Variants in RANBP17 observed in about 807,000 individuals in gnomAD.
RANBP17 encodes ran-binding protein 17.
A neutral mutation model predicts 141.2 loss-of-function variants in RANBP17; 158 were observed. The observed-to-expected ratio is 1.12, with a 90% CI of 0.98 to 1.28. The LOEUF (loss-of-function observed/expected upper bound fraction) is 1.28, where lower values mean the gene tolerates loss of function less well. Among genes scored for constraint, RANBP17 ranks in the 50% most tolerant of loss-of-function variants. The pLI is 0.00. For synonymous variants in RANBP17, 430 were observed against 450.0 expected (o/e 0.96, Z 0.56); for missense variants, 1,438 against 1,290.7 (o/e 1.11, Z -1.75).
intron 22 of RANBP17, among the ~76,000 whole-genome samples, chr5:171,225,874 G>T (rs1451472919): frequency 1.3e-5 from 2 of 152,280 alleles, no homozygotes; most frequent in African/African-American, 4.8e-5. Context: ...GATATACTTT[G>T]ATGTAAGTTT....
chr5:171,247,492 A>G (rs528277049), intron 24 of RANBP17, among the ~76,000 whole-genome samples: 1 of 152,332 alleles, frequency 6.6e-6, no homozygotes, highest in South Asian at 2.1e-4. Flanking sequence ...GCCTTGATGG[A>G]AAAAATAAGG....
intron 14 of RANBP17, among the ~76,000 whole-genome samples, chr5:171,105,578 A>G (rs906941988): frequency 1.3e-5 from 2 of 151,860 alleles, no homozygotes; most frequent in African/African-American, 2.4e-5. Context: ...CTGAGTGGGT[A>G]TGGTGGCACA....
intron 12 of RANBP17, among the ~76,000 whole-genome samples, chr5:170,937,625 G>A (rs1773985529): frequency 6.6e-6 from 1 of 152,166 alleles, no homozygotes; most frequent in Non-Finnish European, 1.5e-5. Context: ...AGATTGGTGG[G>A]CAGAATATAG....
chr5:171,064,262 G>A lies in RANBP17; in HGVS notation c.1710+95885G>A, dbSNP rs71605793. On this transcript the variant is annotated intron_variant, in intron 14 of 27. Transcript: ENST00000523189. ...ATCACCCGTCTTCTGCGTCACTCAC[G>A]CTGGGAGCTGTAGATGGGAGCTGTT... is the stretch of plus-strand genomic sequence containing the variant. 5.2e-3 allele frequency among the ~76,000 whole-genome samples: 798 copies of A among 152,316 alleles called. 17 individuals carry two copies. In the South Asian group the frequency reaches 0.06, roughly 11 times the overall value.
intron 3 of RANBP17, 130 bp downstream of exon 3, chr5:170,882,026 A>G (rs1768743597): frequency 5.2e-6 from 3 of 581,672 alleles, no homozygotes; most frequent in Non-Finnish European, 6.1e-6. Context: ...ATCAAGTCTC[A>G]TTTACTCATC....
chr5:171,212,241 T>C (rs1165531820), intron 20 of RANBP17, among the ~76,000 whole-genome samples: 1 of 152,158 alleles, frequency 6.6e-6, no homozygotes, highest in African/African-American at 2.4e-5. Flanking sequence ...AAATGCACTA[T>C]CTAATGGGGC....
chr5:170,978,756 T>G (rs577989110), intron 14 of RANBP17, among the ~76,000 whole-genome samples: 1 of 151,932 alleles, frequency 6.6e-6, no homozygotes, highest in Non-Finnish European at 1.5e-5. Flanking sequence ...CTGGGGACCT[T>G]GAAATGTTTT....
chr5:171,238,538 C>G (rs1764683308), intron 22 of RANBP17, among the ~76,000 whole-genome samples: 1 of 151,444 alleles, frequency 6.6e-6, no homozygotes, highest in Non-Finnish European at 1.5e-5. Context: ...AAAGTTTTCT[C>G]ACTTTTACCC....
intron 14 of RANBP17, among the ~76,000 whole-genome samples, chr5:171,102,426 G>GT (rs555068112): frequency 2.8e-4 from 42 of 151,486 alleles, no homozygotes; most frequent in Admixed American, 1.9e-3. Context: ...TTCTCGTGCT[G>GT]TTTTTTTCAG....
At chr5:170,976,443 A>G (rs1459834898) in intron 14 of RANBP17, among the ~76,000 whole-genome samples, 2 of 152,134 alleles carry the variant, frequency 1.3e-5, no homozygotes, top group African/African-American at 4.8e-5. Context: ...CACAATCTCT[A>G]CCAAAATCTT....
intron 14 of RANBP17, among the ~76,000 whole-genome samples, chr5:171,050,827 A>AT (rs1168970197): frequency 6.6e-6 from 1 of 152,172 alleles, no homozygotes; most frequent in Non-Finnish European, 1.5e-5. Context: ...CTTACTTCTT[A>AT]TAGAGCAGAT....
chr5:171,255,736 G>A (rs576402294), intron 24 of RANBP17, among the ~76,000 whole-genome samples: 8 of 152,248 alleles, frequency 5.3e-5, no homozygotes, highest in South Asian at 2.1e-4. Context: ...TGAAGAAAGC[G>A]TTGTGAGGTT....
intron 14 of RANBP17, among the ~76,000 whole-genome samples, chr5:171,019,556 A>G (rs1207323759): frequency 2.6e-5 from 4 of 152,100 alleles, no homozygotes; most frequent in Non-Finnish European, 5.9e-5. Flanking sequence ...AGCGGTGTTT[A>G]TAGTATTCTC....
At chr5:171,009,051 A>G (rs1779853878) in intron 14 of RANBP17, among the ~76,000 whole-genome samples, 2 of 152,180 alleles carry the variant, frequency 1.3e-5, no homozygotes, top group African/African-American at 4.8e-5. Context: ...TGGCTTGGGC[A>G]TGTTATCTCC....
intron 12 of RANBP17, among the ~76,000 whole-genome samples, chr5:170,942,185 T>C (rs1774377774): frequency 6.6e-6 from 1 of 152,168 alleles, no homozygotes; most frequent in South Asian, 2.1e-4. Flanking sequence ...TGGAACAGTT[T>C]CATCCCAAAA....
chr5:170,947,607 C>T (rs1419408316), intron 12 of RANBP17, among the ~76,000 whole-genome samples: 2 of 152,090 alleles, frequency 1.3e-5, no homozygotes, highest in African/African-American at 4.8e-5. Flanking sequence ...AGATGGTTCT[C>T]TTCAGGGGTC....
At chr5:171,252,328 C>A in intron 24 of RANBP17, 5 of 1,544,910 alleles carry the variant, frequency 3.2e-6, no homozygotes, top group Middle Eastern at 1.8e-4. Flanking sequence ...AATGCGGGTT[C>A]ATGAGATTTT....
At chr5:171,126,204 T>G (rs999703237) in intron 14 of RANBP17, among the ~76,000 whole-genome samples, 2 of 152,164 alleles carry the variant, frequency 1.3e-5, no homozygotes, top group South Asian at 4.1e-4. Flanking sequence ...GTGTAAACAT[T>G]ATGCTCCTGA....
chr5:170,957,395 ATCTT>A (rs1581238672), intron 13 of RANBP17, among the ~76,000 whole-genome samples: 1 of 152,236 alleles, frequency 6.6e-6, no homozygotes, highest in East Asian at 1.9e-4. Context: ...AATACAGTCA[ATCTT>A]TATTATTCCT....
Sources: gnomAD v4.1 joint callset for allele counts (sites outside exome capture counted in the v4.1 genomes callset) on GRCh38, gnomAD v4.1.1 for gene constraint, MANE v1.5 for transcripts, NCBI Gene and HGNC (gene_info 2026-07-23, HGNC 2026-07-21) for gene names.